PIP4K2A: variants seen among roughly 807,000 people sequenced by gnomAD.
PIP4K2A encodes the protein phosphatidylinositol 5-phosphate 4-kinase type-2 alpha.
In PIP4K2A, 14 loss-of-function variants were observed where a neutral mutation model predicts 42.9. That is an observed-to-expected ratio of 0.33 (90% confidence interval 0.22 to 0.51). PIP4K2A has a LOEUF of 0.51. Among genes scored for constraint, PIP4K2A ranks in the 20% least tolerant of loss-of-function variants. The pLI is 0.97. For missense variants in PIP4K2A, 434 were observed against 519.8 expected, an observed-to-expected ratio of 0.83 and a Z score of 1.61; for synonymous variants, 192 against 192.2, an observed-to-expected ratio of 1.00 and a Z score of 0.01.
intron 1 of PIP4K2A, among the ~76,000 whole-genome samples, chr10:22,632,942 TTCA>T (rs1838579293): frequency 6.6e-6 from 1 of 152,210 alleles, no homozygotes; most frequent in African/African-American, 2.4e-5. Flanking sequence ...ATCCTCAACA[TTCA>T]TCATTTCAAA....
At chr10:22,630,676 C>T (rs1248745521) in intron 1 of PIP4K2A, among the ~76,000 whole-genome samples, 5 of 152,168 alleles carry the variant, frequency 3.3e-5, no homozygotes, top group Admixed American at 2.0e-4. Flanking sequence ...ATCAGCAAAA[C>T]TTCAGAATGA....
chr10:22,713,942 A>G, intron 1 of PIP4K2A: 1 of 368,508 alleles, frequency 2.7e-6, no homozygotes, highest in Non-Finnish European at 5.0e-6. Flanking sequence ...TCACATGCAC[A>G]CGGGACCCCC....
At chr10:22,583,434 G>A (rs543594998) in intron 4 of PIP4K2A, among the ~76,000 whole-genome samples, 5 of 152,284 alleles carry the variant, frequency 3.3e-5, no homozygotes, top group Admixed American at 6.5e-5. Flanking sequence ...CAGGTGCACC[G>A]GAGAGCAGGT....
rs114372537 is a variant in PIP4K2A at position 22,627,273 on chromosome 10, T to C, written c.145-17556A>G. Among the ~76,000 whole-genome samples the C allele has an allele frequency of 6.8e-3, 1,034 of 152,236 alleles. 15 individuals carry two copies. Among genetic ancestry groups the C allele is most frequent in the African/African-American group, 0.023 (940 of 41,540 alleles). On this transcript the variant is annotated intron_variant, in intron 1 of 9. Coordinates refer to ENST00000376573, the MANE Select transcript of PIP4K2A (RefSeq NM_005028.5). Reference sequence around the variant, plus strand: ...TAAACCTGGAAACCTCTAAAAATTCTTCTGAATCATTTGAGGCTAACAGTT... The same window carrying C: ...TAAACCTGGAAACCTCTAAAAATTCCTCTGAATCATTTGAGGCTAACAGTT...
chr10:22,681,612 C>G (rs1839662470), intron 1 of PIP4K2A, among the ~76,000 whole-genome samples: 1 of 152,034 alleles, frequency 6.6e-6, no homozygotes, highest in Non-Finnish European at 1.5e-5. Flanking sequence ...GGGGTAGAGG[C>G]TGCATTGAGC....
intron 5 of PIP4K2A, among the ~76,000 whole-genome samples, chr10:22,572,042 A>T (rs1377833346): frequency 6.6e-6 from 1 of 152,196 alleles, no homozygotes; most frequent in African/African-American, 2.4e-5. Flanking sequence ...TTAATTTTTA[A>T]TACTGTAAAT....
rs12267076 is a variant in PIP4K2A, at chr10:22,637,412, C to G, written c.145-27695G>C. 5.7e-3 allele frequency among the ~76,000 whole-genome samples: 875 copies of G among 152,274 alleles called. 5 individuals carry two copies. Among genetic ancestry groups the G allele is most frequent in the African/African-American group, 0.02 (825 of 41,562 alleles). On this transcript the variant is annotated intron_variant, in intron 1 of 9. Transcript: ENST00000376573. The stretch of plus-strand genomic sequence containing the variant: ...ATTACTAAAATAACACAAGAAATTA[C>G]TTTTAGCATCAAGACCAGAAGCTAG...
At chr10:22,680,574 T>C (rs1007881042) in intron 1 of PIP4K2A, among the ~76,000 whole-genome samples, 2 of 146,264 alleles carry the variant, frequency 1.4e-5, no homozygotes, top group African/African-American at 4.9e-5. Flanking sequence ...AAGGCTAGCA[T>C]ACATCCCTAG....
chr10:22,615,705 C>T (rs1298424563), intron 1 of PIP4K2A, among the ~76,000 whole-genome samples: 2 of 152,196 alleles, frequency 1.3e-5, no homozygotes, highest in Non-Finnish European at 2.9e-5. Flanking sequence ...AAGGTTCCTT[C>T]AGGTTGCAAA....
intron 4 of PIP4K2A, among the ~76,000 whole-genome samples, chr10:22,588,142 G>A (rs916775882): frequency 2.0e-5 from 3 of 152,136 alleles, no homozygotes; most frequent in Non-Finnish European, 4.4e-5. Context: ...AATGGTCAAC[G>A]TTTGTGTCAC....
At chr10:22,541,718 T>C in intron 8 of PIP4K2A, 86 bp downstream of exon 8, 1 of 1,434,016 alleles carries the variant, frequency 7.0e-7, no homozygotes, top group East Asian at 2.5e-5. Context: ...AGCACCCTCA[T>C]AACTGGGGTA....
At chr10:22,577,367 G>A (rs1285119636) in intron 4 of PIP4K2A, among the ~76,000 whole-genome samples, 1 of 151,936 alleles carries the variant, frequency 6.6e-6, no homozygotes, top group Non-Finnish European at 1.5e-5. Flanking sequence ...TGCTCGGTGG[G>A]AGGTGACTGG....
intron 3 of PIP4K2A, among the ~76,000 whole-genome samples, chr10:22,598,999 T>C (rs1564436790): frequency 1.3e-5 from 2 of 151,844 alleles, no homozygotes; most frequent in Admixed American, 6.6e-5. Flanking sequence ...AAAATACTGA[T>C]ACCATAACCC....
intron 9 of PIP4K2A, among the ~76,000 whole-genome samples, 197 bp from the exon 10 acceptor site, chr10:22,537,478 C>T (rs1462022855): frequency 6.6e-6 from 1 of 152,158 alleles, no homozygotes; most frequent in Non-Finnish European, 1.5e-5. Flanking sequence ...TCTTACAAAT[C>T]TGTGTCTGCA....
intron 1 of PIP4K2A, among the ~76,000 whole-genome samples, chr10:22,652,057 T>A (rs769338824): frequency 6.6e-6 from 1 of 152,174 alleles, no homozygotes; most frequent in Non-Finnish European, 1.5e-5. Flanking sequence ...CTGTAACTGA[T>A]ACAGTGCTTA....
At chr10:22,676,477 T>C (rs1839562432) in intron 1 of PIP4K2A, among the ~76,000 whole-genome samples, 1 of 152,094 alleles carries the variant, frequency 6.6e-6, no homozygotes. Context: ...AATGTAGATA[T>C]GGCCAGATCA....
chr10:22,694,882 C>T (rs1366411816), intron 1 of PIP4K2A, among the ~76,000 whole-genome samples: 1 of 152,186 alleles, frequency 6.6e-6, no homozygotes, highest in Non-Finnish European at 1.5e-5. Context: ...TTTATGAGAA[C>T]TTACTGCTAT....
chr10:22,567,771 CTAGAAA>C (rs1836882704), intron 6 of PIP4K2A, 74 bp downstream of exon 6: 2 of 1,213,780 alleles, frequency 1.6e-6, no homozygotes, highest in South Asian at 2.4e-5. Context: ...GGGTGGGAGA[CTAGAAA>C]TAAAGAGTAA....
At chr10:22,678,261 C>T (rs1022070038) in intron 1 of PIP4K2A, among the ~76,000 whole-genome samples, 2 of 152,006 alleles carry the variant, frequency 1.3e-5, no homozygotes, top group African/African-American at 4.8e-5. Flanking sequence ...TCCACTTTCT[C>T]GGTGATCCCA....
Sources: allele counts gnomAD v4.1 joint callset (sites outside exome capture counted in the v4.1 genomes callset), GRCh38; gene constraint gnomAD v4.1.1; transcripts MANE v1.5; gene names NCBI Gene and HGNC (gene_info 2026-07-23, HGNC 2026-07-21).